SDCCAG8: variants seen among roughly 807,000 people sequenced by gnomAD.
The protein encoded by SDCCAG8 is serologically defined colon cancer antigen 8.
In SDCCAG8, 74 loss-of-function variants were observed where a neutral mutation model predicts 101.8. The ratio of observed to expected loss-of-function variants is 0.73; its 90% confidence interval spans 0.60 to 0.88. The LOEUF (loss-of-function observed/expected upper bound fraction) is 0.88, where lower values mean the gene tolerates loss of function less well. Ranked by LOEUF, SDCCAG8 falls within the 40% of genes least tolerant of loss-of-function variation. SDCCAG8 has a pLI of 0.00. For missense variants in SDCCAG8, 787 were observed against 822.6 expected (o/e 0.96, Z 0.53); for synonymous variants, 281 against 292.9 (o/e 0.96, Z 0.41).
intron 16 of SDCCAG8, among the ~76,000 whole-genome samples, chr1:243,456,876 A>G (rs1334576254): frequency 1.3e-5 from 2 of 152,220 alleles, no homozygotes; most frequent in South Asian, 2.1e-4. Context: ...TATATCTTTA[A>G]TAAATGTTAA....
chr1:243,379,465 G>A (rs1053708823), intron 13 of SDCCAG8, among the ~76,000 whole-genome samples: 4 of 152,050 alleles, frequency 2.6e-5, no homozygotes, highest in African/African-American at 9.7e-5. Context: ...ATCAACTTTA[G>A]TAAATATGTA....
At chr1:243,303,842 G>T (rs2071797179) in intron 6 of SDCCAG8, among the ~76,000 whole-genome samples, 1 of 152,114 alleles carries the variant, frequency 6.6e-6, no homozygotes, top group Non-Finnish European at 1.5e-5. Context: ...GGAAGCTGAG[G>T]CGGGCAGATC....
intron 12 of SDCCAG8, among the ~76,000 whole-genome samples, chr1:243,360,246 C>T (rs887318406): frequency 7.3e-5 from 11 of 150,300 alleles, no homozygotes; most frequent in Admixed American, 4.0e-4. Context: ...CCTGGGTTCA[C>T]GCCATTCTCC....
intron 12 of SDCCAG8, among the ~76,000 whole-genome samples, chr1:243,360,838 AAAC>A (rs1408295975): frequency 1.3e-5 from 2 of 151,898 alleles, no homozygotes; most frequent in Admixed American, 6.6e-5. Flanking sequence ...AAACAAAACA[AAAC>A]AAAAAAACAA....
At chr1:243,424,730 T>C (rs1417914900) in intron 15 of SDCCAG8, among the ~76,000 whole-genome samples, 1 of 152,098 alleles carries the variant, frequency 6.6e-6, no homozygotes, top group African/African-American at 2.4e-5. Context: ...AATGCTACAA[T>C]GAATACTCTC....
intron 16 of SDCCAG8, among the ~76,000 whole-genome samples, chr1:243,450,638 T>G (rs2083280380): frequency 6.6e-6 from 1 of 152,182 alleles, no homozygotes; most frequent in South Asian, 2.1e-4. Context: ...GTTTGTTTGT[T>G]TTGTTATATA....
intron 1 of SDCCAG8, among the ~76,000 whole-genome samples, chr1:243,263,358 T>C (rs145683927): frequency 6.6e-6 from 1 of 152,352 alleles, no homozygotes; most frequent in Non-Finnish European, 1.5e-5. Flanking sequence ...CTGTCAATAG[T>C]GCTGAGGTTG....
chr1:243,277,164 C>A (rs560320097), intron 4 of SDCCAG8, among the ~76,000 whole-genome samples: 1 of 152,290 alleles, frequency 6.6e-6, no homozygotes, highest in South Asian at 2.1e-4. Context: ...AAAGTAAATA[C>A]CAAGAAGCTC....
Position 243,458,811 on chromosome 1 carries a change from A to G in SDCCAG8, c.1986-30203A>G, listed in dbSNP as rs1658388833. ...TTGTTTTATATTCCCATTGTCAGTGATCTCTAAACGGCATTCCTGCCACTA... is the reference window on the plus strand; with the variant it reads ...TTGTTTTATATTCCCATTGTCAGTGGTCTCTAAACGGCATTCCTGCCACTA... On this transcript the variant is annotated intron_variant, in intron 16 of 17. Coordinates refer to ENST00000366541, the MANE Select transcript of SDCCAG8 (RefSeq NM_006642.5). This position sits in a 1 kb window ranked among gnomAD's most constrained non-coding sequence, Gnocchi z 4.5. Among the ~76,000 whole-genome samples, 1 of 152,194 alleles carries G rather than the reference A, an allele frequency of 6.6e-6. No individual in the cohort carries two copies.
At chr1:243,383,600 A>G (rs1167540086) in intron 13 of SDCCAG8, among the ~76,000 whole-genome samples, 1 of 152,198 alleles carries the variant, frequency 6.6e-6, no homozygotes, top group African/African-American at 2.4e-5. Context: ...ATTGTAACTT[A>G]GGTTCTGCTG....
At chr1:243,304,277 A>G (rs1006394744) in intron 6 of SDCCAG8, among the ~76,000 whole-genome samples, 4 of 152,214 alleles carry the variant, frequency 2.6e-5, no homozygotes, top group Admixed American at 1.3e-4. Flanking sequence ...CTGGATACCA[A>G]CAGAGGCTTG....
At chr1:243,398,534 T>A (rs1418587904) in intron 13 of SDCCAG8, among the ~76,000 whole-genome samples, 1 of 152,192 alleles carries the variant, frequency 6.6e-6, no homozygotes, top group Non-Finnish European at 1.5e-5. Flanking sequence ...AACTTCTTAT[T>A]AATCTAAAAT....
chr1:243,367,716 A>G (rs556642599), intron 12 of SDCCAG8, among the ~76,000 whole-genome samples: 1 of 149,892 alleles, frequency 6.7e-6, no homozygotes, highest in African/African-American at 2.4e-5. Context: ...TGAATATATT[A>G]CATATATTTA....
intron 16 of SDCCAG8, among the ~76,000 whole-genome samples, chr1:243,439,044 T>C (rs2082345860): frequency 6.6e-6 from 1 of 152,208 alleles, no homozygotes; most frequent in Non-Finnish European, 1.5e-5. Context: ...ATTTTGGCTG[T>C]AGTCCCTGGG....
intron 16 of SDCCAG8, among the ~76,000 whole-genome samples, chr1:243,472,425 G>C (rs1661446420): frequency 6.6e-6 from 1 of 152,196 alleles, no homozygotes; most frequent in South Asian, 2.1e-4. Context: ...AAAGAGGTCA[G>C]TACCTGGTCT....
intron 9 of SDCCAG8, among the ~76,000 whole-genome samples, chr1:243,326,736 A>T (rs1045113174): frequency 6.6e-6 from 1 of 152,184 alleles, no homozygotes; most frequent in African/African-American, 2.4e-5. Flanking sequence ...TTTTCATAAG[A>T]TCTTAATTCC....
intron 13 of SDCCAG8, among the ~76,000 whole-genome samples, chr1:243,397,710 A>T (rs2079110693): frequency 6.6e-6 from 1 of 152,254 alleles, no homozygotes; most frequent in Non-Finnish European, 1.5e-5. Flanking sequence ...TGCTGGCCAC[A>T]ATCTGCAGGT....
chr1:243,315,219 A>C (rs2073133369), intron 8 of SDCCAG8, among the ~76,000 whole-genome samples: 1 of 152,156 alleles, frequency 6.6e-6, no homozygotes, highest in Non-Finnish European at 1.5e-5. Context: ...ACTGGATTGC[A>C]TATCCTTGAT....
At chr1:243,486,099 G>A (rs925961569) in intron 16 of SDCCAG8, among the ~76,000 whole-genome samples, 1 of 149,572 alleles carries the variant, frequency 6.7e-6, no homozygotes, top group Non-Finnish European at 1.5e-5. Context: ...CTACTCGGGA[G>A]GCTGAGACAG....
Sources: allele counts gnomAD v4.1 joint callset (sites outside exome capture counted in the v4.1 genomes callset), GRCh38; gene constraint gnomAD v4.1.1; non-coding constraint Gnocchi (gnomAD v3.1); transcripts MANE v1.5; gene names NCBI Gene and HGNC (gene_info 2026-07-23, HGNC 2026-07-21).